The following WDHD1 variants were observed in gnomAD, a reference collection of about 807,000 sequenced individuals.
The protein encoded by WDHD1 is WD repeat and HMG-box DNA binding protein 1.
In WDHD1, 111 loss-of-function variants were observed where a neutral mutation model predicts 135.4. That is an observed-to-expected ratio of 0.82 (90% CI 0.70 to 0.96). The LOEUF is 0.96. Ranked by LOEUF, WDHD1 falls within the 40% of genes least tolerant of loss-of-function variation. The pLI is 0.00. For synonymous variants in WDHD1, 434 were observed against 439.0 expected (o/e 0.99, Z 0.14); for missense variants, 1,351 against 1,336.3 (o/e 1.01, Z -0.17).
chr14:55,013,493 C>T lies in WDHD1; in HGVS notation c.181G>A (p.Ala61Thr). 6.2e-7 allele frequency: 1 copy of T among 1,611,938 alleles called. No homozygotes were observed. The highest frequency in any genetic ancestry group is 8.5e-7 in the Non-Finnish European group (1 of 1,178,190). ...INVGEKAYSC[A>T]LKSGKLVTAV... ...ATAACTGTTTTTACTACCTTCAAAG[C>T]ACATGAATATGCCTTTTCTCCAACA... The change falls in exon 3 of 26, where the codon GCT becomes ACT. Residue 61 changes from alanine to threonine, a missense_variant. Ala to Thr is a moderately conservative substitution (Grantham distance 58). Around this residue, in one of 2 missense-constraint regions of WDHD1, gnomAD observed 1,330 missense variants for 1,296.1 expected, o/e 1.03. Transcript: ENST00000360586.
intron 2 of WDHD1, among the ~76,000 whole-genome samples, chr14:55,016,465 A>C (rs2140229560): frequency 6.6e-6 from 1 of 152,326 alleles, no homozygotes; most frequent in South Asian, 2.1e-4. Context: ...GAAAATTAGA[A>C]GAGAAAGAAG....
At chr14:55,009,481 G>A (rs994882718) in intron 4 of WDHD1, among the ~76,000 whole-genome samples, 3 of 150,694 alleles carry the variant, frequency 2.0e-5, no homozygotes, top group African/African-American at 7.3e-5. Context: ...TGCCCAGGCT[G>A]GAACGCAATG....
intron 7 of WDHD1, among the ~76,000 whole-genome samples, chr14:55,006,439 C>G (rs527525245): frequency 1.7e-3 from 254 of 152,244 alleles, no homozygotes; most frequent in African/African-American, 5.8e-3. Flanking sequence ...TACAGGATAA[C>G]AATCCTGTAT....
intron 7 of WDHD1, among the ~76,000 whole-genome samples, chr14:55,003,540 T>G (rs2042011356): frequency 6.7e-6 from 1 of 149,014 alleles, no homozygotes; most frequent in African/African-American, 2.6e-5. Flanking sequence ...AAAAATAATT[T>G]TAAAAGCCAA....
At chr14:54,982,131 C>T (rs1385992011) in intron 15 of WDHD1, among the ~76,000 whole-genome samples, 2 of 151,766 alleles carry the variant, frequency 1.3e-5, no homozygotes, top group East Asian at 3.9e-4. Flanking sequence ...CTCAGCCTCC[C>T]GAGTAGCTGG....
chr14:54,966,678 T>C (rs1430901385), intron 17 of WDHD1, 72 bp from the exon 18 acceptor site: 1 of 1,442,312 alleles, frequency 6.9e-7, no homozygotes, highest in Non-Finnish European at 9.3e-7. Context: ...ATATTTATCT[T>C]AAGATACCAG....
At chr14:54,991,627 C>T (rs1488894568) in intron 11 of WDHD1, among the ~76,000 whole-genome samples, 3 of 152,044 alleles carry the variant, frequency 2.0e-5, no homozygotes, top group Non-Finnish European at 4.4e-5. Context: ...CTGTATTAGT[C>T]GTTACTGCAT....
intron 2 of WDHD1, among the ~76,000 whole-genome samples, chr14:55,023,777 G>T (rs2042388121): frequency 6.6e-6 from 1 of 152,192 alleles, no homozygotes; most frequent in Non-Finnish European, 1.5e-5. Flanking sequence ...AATAGCAACA[G>T]GAGGTGGCTA....
At chr14:54,954,963 A>G (rs926832689) in intron 24 of WDHD1, among the ~76,000 whole-genome samples, 3 of 152,202 alleles carry the variant, frequency 2.0e-5, no homozygotes, top group Non-Finnish European at 4.4e-5. Flanking sequence ...TCCCATCCTC[A>G]GATGATCCGC....
intron 3 of WDHD1, 106 bp from the exon 4 acceptor site, chr14:55,010,566 A>G (rs2042152393): frequency 1.0e-6 from 1 of 986,076 alleles, no homozygotes; most frequent in Non-Finnish European, 1.4e-6. Context: ...TTAAAAATCT[A>G]GTTCATATCA....
intron 11 of WDHD1, among the ~76,000 whole-genome samples, chr14:54,994,951 C>A (rs992648740): frequency 6.6e-6 from 1 of 152,040 alleles, no homozygotes; most frequent in African/African-American, 2.4e-5. Context: ...CTTTATTGAT[C>A]AACCACGATA....
chr14:54,944,616 C>CTTTTT (rs780376690), intron 24 of WDHD1, 146 bp from the exon 25 acceptor site: 7 of 269,502 alleles, frequency 2.6e-5, no homozygotes, highest in East Asian at 1.1e-4. Context: ...ATTCATGTTA[C>CTTTTT]TTTTTTTTTT....
chr14:54,976,187 GCAAA>G (rs1466394860), intron 16 of WDHD1, among the ~76,000 whole-genome samples: 1 of 152,158 alleles, frequency 6.6e-6, no homozygotes, highest in African/African-American at 2.4e-5. Context: ...AACAATGAGA[GCAAA>G]CAGAGGCATT....
chr14:54,960,154 C>T (rs1456655111), intron 21 of WDHD1, among the ~76,000 whole-genome samples: 6 of 152,038 alleles, frequency 3.9e-5, no homozygotes, highest in Non-Finnish European at 7.4e-5. Context: ...ATTTGGACTG[C>T]CTCTGTAGTT....
intron 7 of WDHD1, chr14:55,005,483 T>G: frequency 1.8e-6 from 1 of 565,534 alleles, no homozygotes; most frequent in Non-Finnish European, 3.4e-6. Flanking sequence ...GAAAGAGTTT[T>G]CAACAGCAAC....
At chr14:55,012,060 A>G (rs775324197) in intron 3 of WDHD1, among the ~76,000 whole-genome samples, 5 of 152,126 alleles carry the variant, frequency 3.3e-5, no homozygotes, top group Non-Finnish European at 5.9e-5. Flanking sequence ...TTACTTCTCA[A>G]AGCCCTCACT....
intron 18 of WDHD1, among the ~76,000 whole-genome samples, chr14:54,965,786 T>C (rs1057354679): frequency 5.9e-5 from 9 of 151,812 alleles, no homozygotes; most frequent in African/African-American, 2.2e-4. Context: ...TGAAACCCTG[T>C]TTCTACTAAA....
chr14:54,999,864 G>T (rs2140212967), intron 10 of WDHD1, among the ~76,000 whole-genome samples: 1 of 152,260 alleles, frequency 6.6e-6, no homozygotes, highest in African/African-American at 2.4e-5. Context: ...AAAGTGTTGG[G>T]ATTACAGGTG....
chr14:54,982,810 A>G (rs1018918968), intron 15 of WDHD1, among the ~76,000 whole-genome samples: 16 of 152,214 alleles, frequency 1.1e-4, no homozygotes, highest in African/African-American at 3.4e-4. Context: ...GAAGAACATG[A>G]ATCTCCAAAA....
Sources: gnomAD v4.1 joint callset for allele counts (sites outside exome capture counted in the v4.1 genomes callset) on GRCh38, gnomAD v4.1.1 for gene constraint, gnomAD v4.1.1 regional missense constraint, MANE v1.5 for transcripts, NCBI Gene and HGNC (gene_info 2026-07-23, HGNC 2026-07-21) for gene names.